BLACAT1: variants seen among roughly 807,000 people sequenced by gnomAD.
BLACAT1 encodes BLACAT1 overlapping LEMD1 locus.
chr1:205,443,833 C>A (rs7548935), intron 1 of BLACAT1, among the ~76,000 whole-genome samples: 115,412 of 152,068 alleles, frequency 0.76, 44,739 homozygotes, highest in East Asian at 0.99. Context: ...AACCCATTTC[C>A]GTATCCCTGC....
At position 205,448,885 on chromosome 1, in the gene BLACAT1, C is replaced by T. The variant is rs1023291484; in HGVS notation, c.-37+7032G>A. On this transcript the variant is annotated intron_variant, in intron 1 of 1. Coordinates refer to ENST00000629624, the Ensembl canonical transcript of BLACAT1. The surrounding 1 kb of genome is among the most constrained non-coding windows in gnomAD (Gnocchi z 4.7). Reference sequence around the variant, plus strand: ...GGAGGGTCTGGGTAAAGGAGGGCAGCGATGAGGACCTACCCTTTGTTTAGA... The same window carrying T: ...GGAGGGTCTGGGTAAAGGAGGGCAGTGATGAGGACCTACCCTTTGTTTAGA... Among the ~76,000 whole-genome samples, 1 of 152,104 alleles carries T rather than the reference C, an allele frequency of 6.6e-6. No homozygotes were observed. Among genetic ancestry groups the T allele is most frequent in the African/African-American group, 2.4e-5 (1 of 41,410 alleles).
chr1:205,444,034 C>T lies in BLACAT1; in HGVS notation c.-36-2972G>A, dbSNP rs536158875. ...AGCTGGAGGCTCCCTGAAGTCAGGT[C>T]CCCTTGCTGCGTCTATTTGAGGGGG... On this transcript the variant is annotated intron_variant, in intron 1 of 1. Transcript: ENST00000629624. 1.5e-3 allele frequency among the ~76,000 whole-genome samples: 224 copies of T among 152,238 alleles called. 1 individual carries two copies. The highest frequency in any genetic ancestry group is 2.2e-3 in the Non-Finnish European group (153 of 68,008).
intron 1 of BLACAT1, among the ~76,000 whole-genome samples, chr1:205,445,965 C>T (rs1324875307): frequency 1.3e-5 from 2 of 152,148 alleles, no homozygotes; most frequent in Non-Finnish European, 2.9e-5. Context: ...AGAGAGTCAT[C>T]TGAATTCAGT....
At chr1:205,445,817 C>T (rs932020852) in intron 1 of BLACAT1, among the ~76,000 whole-genome samples, 1 of 152,174 alleles carries the variant, frequency 6.6e-6, no homozygotes, top group African/African-American at 2.4e-5. Context: ...GAATGAACCC[C>T]AAAGGTCAAA....
intron 1 of BLACAT1, among the ~76,000 whole-genome samples, chr1:205,447,339 G>C (rs1274536204): frequency 6.6e-6 from 1 of 152,204 alleles, no homozygotes; most frequent in Non-Finnish European, 1.5e-5. Flanking sequence ...TACATAGTAG[G>C]TACCCAGTAA....
intron 1 of BLACAT1, among the ~76,000 whole-genome samples, chr1:205,447,787 G>T (rs755656034): frequency 1.3e-5 from 2 of 152,136 alleles, no homozygotes; most frequent in Admixed American, 1.3e-4. Flanking sequence ...TCACTCTGCA[G>T]ACACCTCCTC....
intron 1 of BLACAT1, among the ~76,000 whole-genome samples, chr1:205,444,501 C>A (rs1033670740): frequency 8.7e-5 from 11 of 127,040 alleles, no homozygotes; most frequent in African/African-American, 3.8e-4. Context: ...ACCCCCACAT[C>A]TCTCTGTGCC....
intron 1 of BLACAT1, among the ~76,000 whole-genome samples, chr1:205,447,957 A>G (rs1171624916): frequency 6.6e-6 from 1 of 152,234 alleles, no homozygotes; most frequent in Non-Finnish European, 1.5e-5. Context: ...CCAAGTCTTC[A>G]TGGCCTGAGG....
chr1:205,442,296 G>A (rs1022326510), intron 1 of BLACAT1, among the ~76,000 whole-genome samples: 1 of 152,138 alleles, frequency 6.6e-6, no homozygotes, highest in African/African-American at 2.4e-5. Context: ...AGCATGAGGC[G>A]CCTCCCTTCT....
chr1:205,438,460 GGCT>G (rs1397490317), downstream of BLACAT1, among the ~76,000 whole-genome samples: 1 of 152,234 alleles, frequency 6.6e-6, no homozygotes, highest in Non-Finnish European at 1.5e-5. Flanking sequence ...CGAATGCTGG[GGCT>G]GCTTTGGCCT....
At chr1:205,447,648 C>T (rs74141215) in intron 1 of BLACAT1, among the ~76,000 whole-genome samples, 12,862 of 151,670 alleles carry the variant, frequency 0.085, 574 homozygotes, top group African/African-American at 0.094. Flanking sequence ...ACAAGCAGGA[C>T]GGGGGCAGGG....
chr1:205,440,248 C>T (rs1402420423), exon 2 of BLACAT1, among the ~76,000 whole-genome samples: 2 of 152,260 alleles, frequency 1.3e-5, no homozygotes, highest in South Asian at 2.1e-4. Flanking sequence ...ATCATGAACA[C>T]GGGTGGGTCA....
At chr1:205,442,210 A>G (rs1194253864) in intron 1 of BLACAT1, among the ~76,000 whole-genome samples, 2 of 152,174 alleles carry the variant, frequency 1.3e-5, no homozygotes, top group Non-Finnish European at 2.9e-5. Flanking sequence ...CATGGGGGCA[A>G]GCAGGTGAGT....
intron 1 of BLACAT1, among the ~76,000 whole-genome samples, chr1:205,454,441 G>A (rs1227495388): frequency 2.0e-5 from 3 of 152,060 alleles, no homozygotes; most frequent in Non-Finnish European, 2.9e-5. Context: ...GGATGGGGGT[G>A]GGGGGTGGTG....
downstream of BLACAT1, chr1:205,436,826 C>T (rs1051520129): frequency 6.6e-6 from 1 of 152,238 alleles, no homozygotes; most frequent in Non-Finnish European, 1.5e-5. Flanking sequence ...TGGTGAAAGC[C>T]CACCTTTGCA....
intron 1 of BLACAT1, among the ~76,000 whole-genome samples, chr1:205,454,761 A>T (rs1482153338): frequency 6.6e-6 from 1 of 152,112 alleles, no homozygotes; most frequent in Non-Finnish European, 1.5e-5. Context: ...CTCTTTCACC[A>T]GGGGTTCCCA....
intron 1 of BLACAT1, among the ~76,000 whole-genome samples, chr1:205,452,761 G>A (rs1666513893): frequency 6.6e-6 from 1 of 152,134 alleles, no homozygotes; most frequent in South Asian, 2.1e-4. Context: ...AAGGGAACCA[G>A]GACATTAGGA....
rs1419653725 is a variant in BLACAT1, at chr1:205,450,269, C to T, written c.-37+5648G>A. 6.6e-6 allele frequency among the ~76,000 whole-genome samples: 1 copy of T among 152,052 alleles called. No individual in the cohort carries two copies. Reference sequence around the variant, plus strand: ...TTTGATCTCACTCCCTCTGAACCAGCCATGTATTACTCACGTCCCCCTGCC... The same window carrying T: ...TTTGATCTCACTCCCTCTGAACCAGTCATGTATTACTCACGTCCCCCTGCC... On this transcript the variant is annotated intron_variant, in intron 1 of 1. Transcript: ENST00000629624. The surrounding 1 kb of genome is among the most constrained non-coding windows in gnomAD (Gnocchi z 4.4).
At chr1:205,438,489 G>A (rs1361856545), downstream of BLACAT1, among the ~76,000 whole-genome samples, 1 of 152,220 alleles carries the variant, frequency 6.6e-6, no homozygotes, top group Non-Finnish European at 1.5e-5. Context: ...TATTCCCTGG[G>A]CTCATCCAAG....
Sources: gnomAD v4.1 joint callset for allele counts (sites outside exome capture counted in the v4.1 genomes callset) on GRCh38, gnomAD v4.1.1 for gene constraint, Gnocchi (gnomAD v3.1) non-coding constraint, MANE v1.5 for transcripts, NCBI Gene and HGNC (gene_info 2026-07-23, HGNC 2026-07-21) for gene names.